The following TACR3 variants were observed in gnomAD, a reference collection of about 807,000 sequenced individuals.
TACR3 encodes tachykinin receptor 3.
TACR3 carries 34 observed loss-of-function variants against 35.0 expected under a neutral mutation model. The ratio of observed to expected loss-of-function variants is 0.97; its 90% confidence interval spans 0.74 to 1.30. The LOEUF (loss-of-function observed/expected upper bound fraction) is 1.30. Ranked by LOEUF, TACR3 falls within the 50% of genes most tolerant of loss-of-function variation. The pLI, the probability that TACR3 is intolerant of heterozygous loss-of-function variation, is 0.00. For missense variants in TACR3, 558 were observed against 591.7 expected (o/e 0.94, Z 0.59); for synonymous variants, 233 against 221.1 (o/e 1.05, Z -0.48).
At chr4:103,650,848 TAATATATATATCTCATATATAATAATA>T (rs1725598340) in intron 3 of TACR3, among the ~76,000 whole-genome samples, 1 of 56,006 alleles carries the variant, frequency 1.8e-5, no homozygotes, top group Non-Finnish European at 2.7e-5. Context: ...TTATATATAA[TAATATATATATCTCATATATAATAATA>T]TATATATCTT....
chr4:103,623,245 CT>C (rs1044628274), intron 3 of TACR3, among the ~76,000 whole-genome samples: 1 of 151,860 alleles, frequency 6.6e-6, no homozygotes, highest in African/African-American at 2.4e-5. Context: ...AAACTATAAA[CT>C]TTTTTCCACT....
At chr4:103,656,019 A>T (rs1433010304) in intron 3 of TACR3, among the ~76,000 whole-genome samples, 175 bp downstream of exon 3, 1 of 152,104 alleles carries the variant, frequency 6.6e-6, no homozygotes, top group African/African-American at 2.4e-5. Flanking sequence ...TGATTACAGT[A>T]TGTGGACAGC....
At chr4:103,707,766 G>C (rs1722828645) in intron 1 of TACR3, among the ~76,000 whole-genome samples, 1 of 152,066 alleles carries the variant, frequency 6.6e-6, no homozygotes, top group African/African-American at 2.4e-5. Flanking sequence ...GGGAAGCTGT[G>C]ACAGACGGCA....
intron 3 of TACR3, among the ~76,000 whole-genome samples, chr4:103,638,032 T>G (rs1725238368): frequency 6.6e-6 from 1 of 152,146 alleles, no homozygotes; most frequent in Non-Finnish European, 1.5e-5. Context: ...ATTTACAGAT[T>G]CAATGCCATA....
intron 3 of TACR3, among the ~76,000 whole-genome samples, chr4:103,627,968 A>G (rs147620073): frequency 6.6e-6 from 1 of 152,198 alleles, no homozygotes; most frequent in African/African-American, 2.4e-5. Context: ...GTGCAATCAA[A>G]TCAGAACTCA....
At chr4:103,657,661 T>C (rs1218943682) in intron 2 of TACR3, among the ~76,000 whole-genome samples, 5 of 152,138 alleles carry the variant, frequency 3.3e-5, no homozygotes, top group Admixed American at 3.3e-4. Flanking sequence ...TCCTTCTTGC[T>C]CTATTTAATG....
chr4:103,703,418 A>G (rs1051932802), intron 1 of TACR3, among the ~76,000 whole-genome samples: 5 of 152,154 alleles, frequency 3.3e-5, no homozygotes, highest in African/African-American at 1.2e-4. Flanking sequence ...AGAAAACTAT[A>G]AAAGAAAATA....
Position 103,658,276 on chromosome 4 carries a change from C to T in TACR3, c.676G>A (p.Val226Ile). Residue 226 changes from valine (V) to isoleucine (I), a missense_variant, in exon 2 of 5, where the codon GTC becomes ATC. By Grantham distance (29) the Val-to-Ile change is conservative. Transcript: ENST00000304883. ...FPQCLYSKTK[V>I]MPGRTLCFVQ... The stretch of plus-strand genomic sequence containing the variant: ...AAGCAGAGAGTACGGCCTGGCATGA[C>T]TTTGGTTTTGGAATAAAGACACTGA... The T allele has an allele frequency of 6.2e-7, 1 of 1,613,896 alleles. No individual in the cohort carries two copies. The highest frequency in any genetic ancestry group is 8.5e-7 in the Non-Finnish European group (1 of 1,179,924).
At chr4:103,694,063 A>T (rs1000376814) in intron 1 of TACR3, among the ~76,000 whole-genome samples, 7 of 152,000 alleles carry the variant, frequency 4.6e-5, no homozygotes, top group African/African-American at 1.4e-4. Flanking sequence ...CACATTAAAA[A>T]TTTTTTTCTT....
intron 3 of TACR3, among the ~76,000 whole-genome samples, chr4:103,605,600 G>A (rs1254319070): frequency 1.3e-5 from 2 of 151,974 alleles, no homozygotes; most frequent in East Asian, 3.9e-4. Flanking sequence ...ATTTTTTCAT[G>A]TGTTTTTTGG....
rs1724733682 is a variant in TACR3, at chr4:103,619,606, G to C, written c.889-27923C>G. On this transcript the variant is annotated intron_variant, in intron 3 of 4. Coordinates refer to ENST00000304883, the MANE Select transcript of TACR3 (RefSeq NM_001059.3). ...ATCCTTGTCTTGTTTCAGGTCTCAAGGAGAATGGTTTGAGCTTTTGCCCAT... is the reference window on the plus strand; with the variant it reads ...ATCCTTGTCTTGTTTCAGGTCTCAACGAGAATGGTTTGAGCTTTTGCCCAT... Among the ~76,000 whole-genome samples the C allele has an allele frequency of 2.0e-5, 3 of 152,256 alleles. No individual in the cohort carries two copies. In the South Asian group the frequency reaches 6.2e-4, roughly 32 times the overall value.
chr4:103,713,502 TA>T (rs2110232646), intron 1 of TACR3, among the ~76,000 whole-genome samples: 1 of 147,018 alleles, frequency 6.8e-6, no homozygotes, highest in Non-Finnish European at 1.5e-5. Context: ...GGGATAGCAT[TA>T]GGAAATATAC....
At chr4:103,650,676 A>ACC (rs1725579782) in intron 3 of TACR3, among the ~76,000 whole-genome samples, 1 of 30,972 alleles carries the variant, frequency 3.2e-5, no homozygotes, top group African/African-American at 1.2e-4. Flanking sequence ...ATAAATATAT[A>ACC]TTATATCATA....
chr4:103,689,617 T>C (rs956784937), intron 1 of TACR3, among the ~76,000 whole-genome samples: 2 of 151,858 alleles, frequency 1.3e-5, no homozygotes, highest in African/African-American at 4.8e-5. Context: ...GGTAGAACAA[T>C]AGAGATTTTT....
At chr4:103,647,170 T>C (rs1299727118) in intron 3 of TACR3, among the ~76,000 whole-genome samples, 1 of 151,914 alleles carries the variant, frequency 6.6e-6, no homozygotes, top group East Asian at 1.9e-4. Context: ...AAAATTCAAC[T>C]TTTCATATGC....
At chr4:103,600,313 A>AT (rs1376993675) in intron 3 of TACR3, among the ~76,000 whole-genome samples, 2 of 152,038 alleles carry the variant, frequency 1.3e-5, no homozygotes, top group African/African-American at 4.8e-5. Flanking sequence ...CCCCTTTATC[A>AT]TTTTTTATTG....
intron 3 of TACR3, among the ~76,000 whole-genome samples, chr4:103,614,756 T>A (rs34345252): frequency 0.58 from 87,079 of 151,136 alleles, 26,243 homozygotes; most frequent in African/African-American, 0.74. Flanking sequence ...CAACATACTC[T>A]GGGCTTGATA....
rs139999131 is a variant in TACR3 at position 103,686,958 on chromosome 4, G to A, written c.549-28555C>T. Among the ~76,000 whole-genome samples the A allele has an allele frequency of 8.1e-3, 1,234 of 152,248 alleles. 20 individuals carry two copies. The highest frequency in any genetic ancestry group is 0.028 in the African/African-American group (1,181 of 41,534). On this transcript the variant is annotated intron_variant, in intron 1 of 4. Transcript: ENST00000304883. ...GACACAACCAAAAAAGAGAATTTTA[G>A]ACCAATGTCCTTGATGAACACTGAT...
chr4:103,661,176 G>A (rs953882645), intron 1 of TACR3, among the ~76,000 whole-genome samples: 2 of 151,912 alleles, frequency 1.3e-5, no homozygotes, highest in Non-Finnish European at 2.9e-5. Context: ...ATACTTATGT[G>A]TTATATGTGT....
Sources: allele counts gnomAD v4.1 joint callset (sites outside exome capture counted in the v4.1 genomes callset), GRCh38; gene constraint gnomAD v4.1.1; transcripts MANE v1.5; gene names NCBI Gene and HGNC (gene_info 2026-07-23, HGNC 2026-07-21).